SNTB1: variants seen among roughly 807,000 people sequenced by gnomAD.
The protein encoded by SNTB1 is beta-1-syntrophin.
In SNTB1, 36 loss-of-function variants were observed where a neutral mutation model predicts 48.9. That is an observed-to-expected ratio of 0.74 (90% CI 0.56 to 0.97). The LOEUF (loss-of-function observed/expected upper bound fraction) is 0.97, where lower values mean the gene tolerates loss of function less well. SNTB1 is among the 50% of genes least tolerant of loss of function. The probability of loss-of-function intolerance (pLI) is 0.00; values close to 1 mark genes in which losing one functional copy is unlikely to be tolerated. For synonymous variants in SNTB1, 299 were observed against 294.6 expected, an observed-to-expected ratio of 1.01 and a Z score of -0.15; for missense variants, 786 against 703.4, an observed-to-expected ratio of 1.12 and a Z score of -1.33.
intron 1 of SNTB1, among the ~76,000 whole-genome samples, chr8:120,745,770 G>A (rs903230712): frequency 6.6e-6 from 1 of 152,138 alleles, no homozygotes; most frequent in Non-Finnish European, 1.5e-5. Context: ...GGCTTTCTCT[G>A]TAATCCTTAA....
At position 120,566,006 on chromosome 8, in the gene SNTB1, C is replaced by T. The variant is rs186449289; in HGVS notation, c.1136+9080G>A. On this transcript the variant is annotated intron_variant, in intron 4 of 6. Coordinates refer to ENST00000517992, the MANE Select transcript of SNTB1 (RefSeq NM_021021.4). ...GGCGGATCACCTGAGGTCAGGAGTT[C>T]GAGACCAGCCTGGCCAACATGGTGG... Among the ~76,000 whole-genome samples, 74 of 152,120 alleles carry T rather than the reference C, an allele frequency of 4.9e-4. 1 individual carries two copies. Among genetic ancestry groups the T allele is most frequent in the African/African-American group, 1.2e-3 (51 of 41,500 alleles).
chr8:120,805,369 G>T (rs113893716), intron 1 of SNTB1, among the ~76,000 whole-genome samples: 2 of 152,138 alleles, frequency 1.3e-5, no homozygotes, highest in East Asian at 3.9e-4. Context: ...TTATCCTGGT[G>T]TGTTTCTTAG....
At chr8:120,549,780 C>T (rs1206133171) in intron 4 of SNTB1, among the ~76,000 whole-genome samples, 7 of 152,198 alleles carry the variant, frequency 4.6e-5, no homozygotes, top group South Asian at 2.1e-4. Flanking sequence ...TCCTACTCCT[C>T]GATATCTCAA....
intron 3 of SNTB1, among the ~76,000 whole-genome samples, chr8:120,604,624 T>C (rs1377128766): frequency 6.6e-6 from 1 of 152,108 alleles, no homozygotes; most frequent in Non-Finnish European, 1.5e-5. Context: ...CTAATTTTTG[T>C]ATTTTTAGTA....
intron 2 of SNTB1, among the ~76,000 whole-genome samples, chr8:120,672,235 TATG>T (rs1817770164): frequency 6.6e-6 from 1 of 152,198 alleles, no homozygotes; most frequent in African/African-American, 2.4e-5. Context: ...GTTGTCAACT[TATG>T]ATGGGCTTAT....
chr8:120,789,896 A>T (rs2130150280), intron 1 of SNTB1, among the ~76,000 whole-genome samples: 1 of 152,168 alleles, frequency 6.6e-6, no homozygotes, highest in African/African-American at 2.4e-5. Flanking sequence ...CAAAGCCAGT[A>T]TCACCCTGAT....
At chr8:120,754,017 G>T (rs1324216524) in intron 1 of SNTB1, among the ~76,000 whole-genome samples, 1 of 152,122 alleles carries the variant, frequency 6.6e-6, no homozygotes, top group East Asian at 1.9e-4. Flanking sequence ...ACTTACATCA[G>T]GGACTAAAGT....
intron 3 of SNTB1, among the ~76,000 whole-genome samples, chr8:120,578,179 G>A (rs948075912): frequency 5.3e-5 from 8 of 150,286 alleles, no homozygotes; most frequent in Non-Finnish European, 1.0e-4. Context: ...GACTACAGGC[G>A]CCCGCCATCA....
intron 3 of SNTB1, among the ~76,000 whole-genome samples, chr8:120,607,018 C>A (rs1346296572): frequency 6.6e-6 from 1 of 151,948 alleles, no homozygotes; most frequent in Non-Finnish European, 1.5e-5. Context: ...AAGACTGTAT[C>A]CCTGGAAAAG....
intron 3 of SNTB1, among the ~76,000 whole-genome samples, chr8:120,594,297 G>C (rs1328831658): frequency 6.6e-6 from 1 of 152,074 alleles, no homozygotes; most frequent in Non-Finnish European, 1.5e-5. Context: ...GAGTGCAATG[G>C]TGCAGTCTCA....
At chr8:120,632,874 G>T (rs1378263499) in intron 2 of SNTB1, among the ~76,000 whole-genome samples, 1 of 152,182 alleles carries the variant, frequency 6.6e-6, no homozygotes, top group Non-Finnish European at 1.5e-5. Context: ...GAACACAGCT[G>T]TGCAACCACC....
chr8:120,707,885 T>A (rs1376820036), intron 1 of SNTB1, among the ~76,000 whole-genome samples: 1 of 152,096 alleles, frequency 6.6e-6, no homozygotes, highest in Non-Finnish European at 1.5e-5. Context: ...GGAAAATCTA[T>A]GGATATTGGA....
intron 1 of SNTB1, among the ~76,000 whole-genome samples, chr8:120,739,809 T>C (rs1587126951): frequency 1.3e-5 from 2 of 152,222 alleles, no homozygotes; most frequent in East Asian, 3.8e-4. Context: ...TTTTTAACTC[T>C]TCTTTACATT....
chr8:120,660,584 A>C (rs1004869688), intron 2 of SNTB1, among the ~76,000 whole-genome samples: 2 of 152,220 alleles, frequency 1.3e-5, no homozygotes, highest in Non-Finnish European at 2.9e-5. Context: ...CCATATGAGC[A>C]AAAAAGCTGT....
chr8:120,795,013 G>GCCAGAT (rs1820098983), intron 1 of SNTB1, among the ~76,000 whole-genome samples: 1 of 151,998 alleles, frequency 6.6e-6, no homozygotes, highest in African/African-American at 2.4e-5. Context: ...AAATAAAATT[G>GCCAGAT]CCAGATTCAG....
At chr8:120,665,806 G>A (rs1170021464) in intron 2 of SNTB1, among the ~76,000 whole-genome samples, 1 of 151,976 alleles carries the variant, frequency 6.6e-6, no homozygotes, top group Non-Finnish European at 1.5e-5. Context: ...TATTTTTATA[G>A]CACTGTTTGC....
At chr8:120,735,882 A>G (rs1818933666) in intron 1 of SNTB1, among the ~76,000 whole-genome samples, 1 of 152,214 alleles carries the variant, frequency 6.6e-6, no homozygotes, top group Non-Finnish European at 1.5e-5. Context: ...GTGGCTCACA[A>G]TAGTTCACCA....
intron 3 of SNTB1, among the ~76,000 whole-genome samples, chr8:120,611,159 G>A (rs911709475): frequency 4.6e-5 from 7 of 152,108 alleles, no homozygotes; most frequent in South Asian, 2.1e-4. Flanking sequence ...TCTTGATAAC[G>A]CTAAACAGAG....
At chr8:120,546,469 C>A (rs1563813788) in intron 5 of SNTB1, among the ~76,000 whole-genome samples, 1 of 151,760 alleles carries the variant, frequency 6.6e-6, no homozygotes, top group Admixed American at 6.6e-5. Context: ...TTTCCATTCT[C>A]TTTTTTTTGT....
Sources: gnomAD v4.1 joint callset for allele counts (sites outside exome capture counted in the v4.1 genomes callset) on GRCh38, gnomAD v4.1.1 for gene constraint, MANE v1.5 for transcripts, NCBI Gene and HGNC (gene_info 2026-07-23, HGNC 2026-07-21) for gene names.